NRG1: variants seen among roughly 807,000 people sequenced by gnomAD.
NRG1 encodes the protein neuregulin 1.
A neutral mutation model predicts 63.8 loss-of-function variants in NRG1; 18 were observed. That is an observed-to-expected ratio of 0.28 (90% confidence interval 0.19 to 0.42). NRG1 has a LOEUF of 0.42. NRG1 is among the 10% of genes least tolerant of loss of function. The probability of loss-of-function intolerance (pLI) is 1.00; values close to 1 mark genes in which losing one functional copy is unlikely to be tolerated. For missense variants in NRG1, 762 were observed against 814.7 expected, an observed-to-expected ratio of 0.94 and a Z score of 0.79; for synonymous variants, 302 against 301.3, an observed-to-expected ratio of 1.00 and a Z score of -0.02.
chr8:31,813,959 T>C (rs906017151), intron 1 of NRG1, among the ~76,000 whole-genome samples: 2 of 152,222 alleles, frequency 1.3e-5, no homozygotes, highest in Non-Finnish European at 2.9e-5. Context: ...GGGTTATCAC[T>C]TCCCAAATTA....
At chr8:32,486,296 G>A (rs1825892187) in intron 1 of NRG1, among the ~76,000 whole-genome samples, 1 of 152,108 alleles carries the variant, frequency 6.6e-6, no homozygotes, top group Admixed American at 6.5e-5. Context: ...AGTAGTGGGA[G>A]TTCTTATTCA....
At chr8:32,571,953 G>A (rs1838679645) in intron 1 of NRG1, among the ~76,000 whole-genome samples, 1 of 152,066 alleles carries the variant, frequency 6.6e-6, no homozygotes, top group African/African-American at 2.4e-5. Flanking sequence ...TCCGTAAACT[G>A]ATTCCAAACC....
chr8:32,150,927 C>T (rs1837433197), intron 1 of NRG1, among the ~76,000 whole-genome samples: 1 of 152,134 alleles, frequency 6.6e-6, no homozygotes, highest in African/African-American at 2.4e-5. Flanking sequence ...ATTTGTCAAC[C>T]TACGGTCAAC....
intron 1 of NRG1, among the ~76,000 whole-genome samples, chr8:31,736,477 C>T (rs900819839): frequency 6.6e-6 from 1 of 152,054 alleles, no homozygotes; most frequent in Non-Finnish European, 1.5e-5. Context: ...TGATAGCTAC[C>T]TCATGATTAT....
intron 1 of NRG1, among the ~76,000 whole-genome samples, chr8:32,530,221 C>A (rs1831309491): frequency 6.6e-6 from 1 of 152,072 alleles, no homozygotes; most frequent in Non-Finnish European, 1.5e-5. Flanking sequence ...CATTCTCCTG[C>A]CTCAGCCTCC....
intron 1 of NRG1, among the ~76,000 whole-genome samples, chr8:32,421,468 G>A (rs1816692214): frequency 6.6e-6 from 1 of 152,158 alleles, no homozygotes; most frequent in South Asian, 2.1e-4. Flanking sequence ...GAGCTCACAG[G>A]CACGCCGCAT....
At chr8:32,159,845 T>C (rs1186297010) in intron 1 of NRG1, among the ~76,000 whole-genome samples, 1 of 152,156 alleles carries the variant, frequency 6.6e-6, no homozygotes, top group Non-Finnish European at 1.5e-5. Flanking sequence ...TTTTTAGAGA[T>C]CAACCGTTTC....
At chr8:31,648,817 C>T (rs1804559190) in intron 1 of NRG1, among the ~76,000 whole-genome samples, 1 of 152,206 alleles carries the variant, frequency 6.6e-6, no homozygotes, top group Non-Finnish European at 1.5e-5. Context: ...CATCAGTGGA[C>T]ACCTGGTTTA....
intron 1 of NRG1, among the ~76,000 whole-genome samples, chr8:32,577,676 A>G (rs1588440991): frequency 6.6e-6 from 1 of 152,064 alleles, no homozygotes; most frequent in East Asian, 1.9e-4. Context: ...ACTTAGTTAA[A>G]TCGTTGTACC....
intron 5 of NRG1, among the ~76,000 whole-genome samples, chr8:32,640,620 G>GCA (rs58796067): frequency 0.18 from 23,614 of 132,024 alleles, 2,035 homozygotes; most frequent in Middle Eastern, 0.21. Context: ...TCTCAGACCC[G>GCA]CACACACACA....
intron 6 of NRG1, among the ~76,000 whole-genome samples, chr8:32,734,264 A>G (rs1233227552): frequency 1.3e-5 from 2 of 152,236 alleles, no homozygotes; most frequent in African/African-American, 4.8e-5. Flanking sequence ...TAACTTTTAT[A>G]ATATGTATTA....
intron 1 of NRG1, chr8:32,171,522 C>T (rs1585813311): frequency 6.6e-6 from 1 of 152,318 alleles, no homozygotes; most frequent in East Asian, 1.9e-4. Flanking sequence ...TGCAGCGCAC[C>T]CAGCATGAGC....
intron 1 of NRG1, among the ~76,000 whole-genome samples, chr8:32,503,288 GAA>G (rs60857610): frequency 0.23 from 12,038 of 52,996 alleles, 759 homozygotes; most frequent in African/African-American, 0.3. Context: ...CTCTGTCTCA[GAA>G]AAAAAAAAAA....
At chr8:32,609,044 G>A (rs1051623553) in intron 3 of NRG1, among the ~76,000 whole-genome samples, 4 of 152,136 alleles carry the variant, frequency 2.6e-5, no homozygotes, top group Non-Finnish European at 5.9e-5. Context: ...ACTAGGGAGG[G>A]TGGAGCCGGA....
downstream of NRG1, among the ~76,000 whole-genome samples, chr8:32,770,899 C>G (rs1831740215): frequency 6.6e-6 from 1 of 152,262 alleles, no homozygotes; most frequent in East Asian, 1.9e-4. Context: ...CCTTCCCCTC[C>G]AGTTCCTTAA....
chr8:32,281,524 G>A (rs1420344249), intron 1 of NRG1, among the ~76,000 whole-genome samples: 1 of 151,928 alleles, frequency 6.6e-6, no homozygotes, highest in Non-Finnish European at 1.5e-5. Flanking sequence ...ACCTCAAGTA[G>A]CCTCCCCCCA....
At position 32,716,166 on chromosome 8, in the gene NRG1, A is replaced by G. The variant is rs141988399; in HGVS notation, c.503-11783A>G. On this transcript the variant is annotated intron_variant, in intron 5 of 11. Transcript: ENST00000356819. The stretch of plus-strand genomic sequence containing the variant: ...TGGTTATTTAATTAGAACATGCCTC[A>G]CTAGGTGTTGGCTACACCTATTTGA... Among the ~76,000 whole-genome samples, 66 of 152,326 alleles carry G rather than the reference A, an allele frequency of 4.3e-4. 1 individual carries two copies. Among genetic ancestry groups the G allele is most frequent in the East Asian group, 4.2e-3 (22 of 5,182 alleles).
intron 1 of NRG1, among the ~76,000 whole-genome samples, chr8:32,380,314 A>G (rs1810187429): frequency 6.6e-6 from 1 of 152,014 alleles, no homozygotes; most frequent in African/African-American, 2.4e-5. Flanking sequence ...CTTCTGGAAT[A>G]CTTTTGCCAG....
At chr8:32,347,489 T>C (rs10091429) in intron 1 of NRG1, among the ~76,000 whole-genome samples, 78,679 of 152,044 alleles carry the variant, frequency 0.52, 21,282 homozygotes, top group Non-Finnish European at 0.61. Context: ...ACACAGTAAA[T>C]TGATTTAGGC....
Sources: gnomAD v4.1 joint callset for allele counts (sites outside exome capture counted in the v4.1 genomes callset) on GRCh38, gnomAD v4.1.1 for gene constraint, MANE v1.5 for transcripts, NCBI Gene and HGNC (gene_info 2026-07-23, HGNC 2026-07-21) for gene names.